The following GRK3 variants were observed in gnomAD, a reference collection of about 807,000 sequenced individuals.
The protein encoded by GRK3 is adrenergic, beta, receptor kinase 2.
GRK3 carries 54 observed loss-of-function variants against 95.7 expected under a neutral mutation model. The ratio of observed to expected loss-of-function variants is 0.56; its 90% confidence interval spans 0.45 to 0.71. GRK3 has a LOEUF of 0.71. GRK3 is among the 30% of genes least tolerant of loss of function. The probability of loss-of-function intolerance (pLI) is 0.00; values close to 1 mark genes in which losing one functional copy is unlikely to be tolerated. For missense variants in GRK3, 649 were observed against 851.2 expected (o/e 0.76, Z 2.96); for synonymous variants, 281 against 290.8 (o/e 0.97, Z 0.34).
At chr22:25,709,275 G>A (rs1416453032) in intron 15 of GRK3, among the ~76,000 whole-genome samples, 1 of 151,610 alleles carries the variant, frequency 6.6e-6, no homozygotes, top group Non-Finnish European at 1.5e-5. Context: ...CTGACCTCGT[G>A]ATCTGCCCGC....
chr22:25,693,323 GT>G (rs371206725), intron 12 of GRK3, among the ~76,000 whole-genome samples: 6 of 152,282 alleles, frequency 3.9e-5, no homozygotes, highest in African/African-American at 1.4e-4. Context: ...AGTTTTCCTT[GT>G]ATGTGGTAAA....
chr22:25,590,544 G>A (rs1470371526), intron 1 of GRK3, among the ~76,000 whole-genome samples: 8 of 152,244 alleles, frequency 5.3e-5, no homozygotes, highest in South Asian at 4.1e-4. Flanking sequence ...CAAACAGGCC[G>A]GGCGCGGTGG....
intron 2 of GRK3, among the ~76,000 whole-genome samples, chr22:25,632,043 A>G (rs2084667847): frequency 6.6e-6 from 1 of 152,210 alleles, no homozygotes; most frequent in Non-Finnish European, 1.5e-5. Flanking sequence ...ATGTGACTAT[A>G]AGAGCATACA....
intron 2 of GRK3, among the ~76,000 whole-genome samples, chr22:25,634,804 A>G (rs1293316673): frequency 6.6e-6 from 1 of 152,222 alleles, no homozygotes; most frequent in Non-Finnish European, 1.5e-5. Context: ...AGTCACATAA[A>G]ATTTCTAATA....
intron 3 of GRK3, among the ~76,000 whole-genome samples, chr22:25,661,197 A>T (rs187441720): frequency 6.6e-4 from 100 of 152,136 alleles, no homozygotes; most frequent in Admixed American, 6.5e-3. Flanking sequence ...CCCTATCCTA[A>T]CTCCTAGAAC....
chr22:25,694,911 A>G, intron 12 of GRK3, among the ~76,000 whole-genome samples, 196 bp from the exon 13 acceptor site: 1 of 152,236 alleles, frequency 6.6e-6, no homozygotes, highest in East Asian at 1.9e-4. Context: ...ATGTTAATTC[A>G]TACATGAGTG....
intron 2 of GRK3, among the ~76,000 whole-genome samples, chr22:25,632,322 T>C (rs765664370): frequency 2.5e-4 from 38 of 152,258 alleles, no homozygotes; most frequent in Admixed American, 3.3e-4. Context: ...TGTGCTCAGT[T>C]GACATTTATA....
chr22:25,687,628 A>C lies in GRK3; in HGVS notation c.918A>C (p.Glu306Asp), dbSNP rs142509662. 1 of 1,614,166 alleles carries C rather than the reference A, an allele frequency of 6.2e-7. No homozygotes were observed. Among genetic ancestry groups the C allele is most frequent in the South Asian group, 1.1e-5 (1 of 91,084 alleles). The part of the protein sequence containing the change: ...FYATEIILGL[E>D]HMHNRFVVYR... Reference sequence around the variant, plus strand: ...CCACTGAAATCATTCTGGGTCTGGAACACATGCACAATCGGTTTGTTGTCT... The same window carrying C: ...CCACTGAAATCATTCTGGGTCTGGACCACATGCACAATCGGTTTGTTGTCT... The change falls in exon 11 of 21, where the codon GAA (glutamate) becomes GAC (aspartate). Residue 306 changes from glutamate to aspartate, a missense_variant. Transcript: ENST00000324198.
chr22:25,644,465 CT>C (rs869191813), intron 2 of GRK3, 126 bp from the exon 3 acceptor site: 26 of 466,006 alleles, frequency 5.6e-5, no homozygotes, highest in South Asian at 1.3e-4. Context: ...TTCTTGAAAT[CT>C]TTTTTTTAAA....
chr22:25,633,696 T>C (rs2084680299), intron 2 of GRK3, among the ~76,000 whole-genome samples: 1 of 151,950 alleles, frequency 6.6e-6, no homozygotes, highest in African/African-American at 2.4e-5. Flanking sequence ...AAGCAAATTA[T>C]AATATAGGGC....
At chr22:25,685,650 G>C (rs1255019280) in intron 10 of GRK3, among the ~76,000 whole-genome samples, 1 of 152,144 alleles carries the variant, frequency 6.6e-6, no homozygotes, top group Admixed American at 6.5e-5. Flanking sequence ...GACTGACTTT[G>C]GGCCAAGTAC....
intron 13 of GRK3, among the ~76,000 whole-genome samples, chr22:25,703,300 A>G (rs748839851): frequency 2.0e-5 from 3 of 152,240 alleles, no homozygotes; most frequent in African/African-American, 4.8e-5. Flanking sequence ...AGATTCAGGC[A>G]GTTCAAGTAA....
chr22:25,654,120 AAC>A (rs1348672029), intron 3 of GRK3, among the ~76,000 whole-genome samples: 1 of 152,248 alleles, frequency 6.6e-6, no homozygotes, highest in Non-Finnish European at 1.5e-5. Context: ...CAAATTTAAT[AAC>A]AGAGTTAAAC....
At chr22:25,658,099 C>G (rs1210852759) in intron 3 of GRK3, among the ~76,000 whole-genome samples, 1 of 152,070 alleles carries the variant, frequency 6.6e-6, no homozygotes, top group Non-Finnish European at 1.5e-5. Context: ...TGTTAACATC[C>G]TTTCTGTTAT....
intron 1 of GRK3, among the ~76,000 whole-genome samples, chr22:25,582,940 A>T (rs955281701): frequency 6.6e-6 from 1 of 152,250 alleles, no homozygotes; most frequent in Non-Finnish European, 1.5e-5. Flanking sequence ...ATACGAGGAC[A>T]TGAATGAAAA....
chr22:25,636,219 T>G (rs2084700314), intron 2 of GRK3, among the ~76,000 whole-genome samples: 1 of 152,198 alleles, frequency 6.6e-6, no homozygotes. Flanking sequence ...GAGAATAGTG[T>G]TTAGCAGCCT....
chr22:25,715,192 C>T (rs920981321), intron 18 of GRK3: 2 of 152,174 alleles, frequency 1.3e-5, no homozygotes, highest in African/African-American at 4.8e-5. Context: ...TATATAAAGA[C>T]ATTTATATTA....
chr22:25,647,773 T>G, intron 3 of GRK3: 1 of 996,322 alleles, frequency 1.0e-6, no homozygotes, highest in East Asian at 2.4e-5. Context: ...TGCTGAAAGA[T>G]TACTTCTGAA....
chr22:25,583,177 C>T (rs1028566415), intron 1 of GRK3, among the ~76,000 whole-genome samples: 3 of 152,080 alleles, frequency 2.0e-5, no homozygotes, highest in African/African-American at 7.2e-5. Context: ...AATGAGTCGC[C>T]TGTTTGCTAG....
Sources: gnomAD v4.1 joint callset for allele counts (sites outside exome capture counted in the v4.1 genomes callset) on GRCh38, gnomAD v4.1.1 for gene constraint, MANE v1.5 for transcripts, NCBI Gene and HGNC (gene_info 2026-07-23, HGNC 2026-07-21) for gene names.